Variants in PRKAG2 observed in about 807,000 individuals in gnomAD.
PRKAG2 encodes the protein 5'-AMP-activated protein kinase subunit gamma-2.
A neutral mutation model predicts 69.6 loss-of-function variants in PRKAG2; 26 were observed. The observed-to-expected ratio is 0.37, with a 90% CI of 0.27 to 0.52. The LOEUF (loss-of-function observed/expected upper bound fraction) is 0.52. Among genes scored for constraint, PRKAG2 ranks in the 20% least tolerant of loss-of-function variants. The probability of loss-of-function intolerance (pLI) is 0.90; values close to 1 mark genes in which losing one functional copy is unlikely to be tolerated. For synonymous variants in PRKAG2, 293 were observed against 285.0 expected (o/e 1.03, Z -0.28); for missense variants, 557 against 740.0 (o/e 0.75, Z 2.87).
rs1369234411 is a variant in PRKAG2, at chr7:151,614,982, T to C, written c.754+17087A>G. On this transcript the variant is annotated intron_variant, in intron 5 of 15. Transcript: ENST00000287878. The surrounding 1 kb of genome is among the most constrained non-coding windows in gnomAD (Gnocchi z 4.4). ...GAGCCGTATGGATCCAGAGGGAACC[T>C]CGAGAGAGGAGCCGTGTGGATCCAG... Among the ~76,000 whole-genome samples, 2 of 150,574 alleles carry C rather than the reference T, an allele frequency of 1.3e-5. No homozygotes were observed. Among genetic ancestry groups the C allele is most frequent in the South Asian group, 2.1e-4 (1 of 4,748 alleles).
At chr7:151,851,671 G>A (rs371786140) in intron 1 of PRKAG2, among the ~76,000 whole-genome samples, 223 of 152,290 alleles carry the variant, frequency 1.5e-3, no homozygotes, top group African/African-American at 5.2e-3. Flanking sequence ...AGGGGAGAGC[G>A]CTCCTGGGGC....
At chr7:151,686,035 T>G (rs28370502) in intron 3 of PRKAG2, among the ~76,000 whole-genome samples, 3,632 of 152,204 alleles carry the variant, frequency 0.024, 150 homozygotes, top group African/African-American at 0.082. Flanking sequence ...CAGTCCCCAG[T>G]CCCTGTCCCC....
chr7:151,775,044 G>T (rs2076269640), intron 3 of PRKAG2, among the ~76,000 whole-genome samples: 1 of 152,250 alleles, frequency 6.6e-6, no homozygotes, highest in South Asian at 2.1e-4. Context: ...GGCTGGATGT[G>T]AGGCTGCATC....
Position 151,638,990 on chromosome 7 carries a change from C to CCTGGATG in PRKAG2, c.685-6859_685-6853dup, listed in dbSNP as rs1187674401. Among the ~76,000 whole-genome samples the CCTGGATG allele has an allele frequency of 6.6e-6, 1 of 152,162 alleles. No homozygotes were observed. The highest frequency in any genetic ancestry group is 2.4e-5 in the African/African-American group (1 of 41,432). On this transcript the variant is annotated intron_variant, in intron 4 of 15. Transcript: ENST00000287878. The surrounding 1 kb of genome is among the most constrained non-coding windows in gnomAD (Gnocchi z 4.3). ...AAGAGTAAAGAACGACGTGAAACCCCCTGGATGCTGGACAGGAGCTGCACA... is the reference window on the plus strand; with the variant it reads ...AAGAGTAAAGAACGACGTGAAACCCCCTGGATGCTGGATGCTGGACAGGAGCTGCACA...
chr7:151,816,371 G>A (rs2078640968), intron 1 of PRKAG2, among the ~76,000 whole-genome samples: 1 of 152,132 alleles, frequency 6.6e-6, no homozygotes, highest in Non-Finnish European at 1.5e-5. Context: ...TGTGTTATGG[G>A]ATGTTCCTCA....
In PRKAG2 at chr7:151,567,528, C is replaced by G. The variant is rs1806535371; in HGVS notation, c.1233+1188G>C. 6.6e-6 allele frequency among the ~76,000 whole-genome samples: 1 copy of G among 152,142 alleles called. No homozygotes were observed. The highest frequency in any genetic ancestry group is 2.4e-5 in the African/African-American group (1 of 41,424). The stretch of plus-strand genomic sequence containing the variant: ...GGCCCTGAATACATCCTTCCCACCC[C>G]ATGCTCCCTCTGTTCCTATTAAACT... On this transcript the variant is annotated intron_variant, in intron 11 of 15. Transcript: ENST00000287878. The surrounding 1 kb of genome is among the most constrained non-coding windows in gnomAD (Gnocchi z 4.2).
Position 151,828,384 on chromosome 7 carries a change from G to C in PRKAG2, c.115-41843C>G, listed in dbSNP as rs1446827155. 6.6e-6 allele frequency among the ~76,000 whole-genome samples: 1 copy of C among 152,236 alleles called. No homozygotes were observed. The highest frequency in any genetic ancestry group is 1.5e-5 in the Non-Finnish European group (1 of 68,046). ...ATCTCTGCACAGTTCCTGATAGACA[G>C]TGCATGCTCAGTAAATATTTGTTTA... On this transcript the variant is annotated intron_variant, in intron 1 of 15. Coordinates refer to ENST00000287878, the MANE Select transcript of PRKAG2 (RefSeq NM_016203.4). The surrounding 1 kb of genome is among the most constrained non-coding windows in gnomAD (Gnocchi z 4.6).
chr7:151,755,080 T>G (rs1398721656), intron 3 of PRKAG2, among the ~76,000 whole-genome samples: 1 of 152,092 alleles, frequency 6.6e-6, no homozygotes, highest in Non-Finnish European at 1.5e-5. Flanking sequence ...CGGATGCCCC[T>G]TCAGAGCTGT....
intron 5 of PRKAG2, among the ~76,000 whole-genome samples, chr7:151,607,137 GT>G (rs1226895257): frequency 6.6e-6 from 1 of 152,216 alleles, no homozygotes; most frequent in Non-Finnish European, 1.5e-5. Context: ...TTATATTAAA[GT>G]GTTTAATTCA....
chr7:151,562,718 A>T (rs1351029312), intron 14 of PRKAG2, among the ~76,000 whole-genome samples: 1 of 152,170 alleles, frequency 6.6e-6, no homozygotes, highest in East Asian at 1.9e-4. Context: ...CTGTAATCCC[A>T]GCACTTTGGG....
chr7:151,646,438 C>T (rs1367431550), intron 4 of PRKAG2, among the ~76,000 whole-genome samples: 1 of 152,166 alleles, frequency 6.6e-6, no homozygotes, highest in African/African-American at 2.4e-5. Flanking sequence ...TTGATGCTCT[C>T]ATAAATGAAA....
chr7:151,681,046 C>A (rs1833811165), intron 3 of PRKAG2, among the ~76,000 whole-genome samples: 1 of 152,204 alleles, frequency 6.6e-6, no homozygotes, highest in Non-Finnish European at 1.5e-5. Flanking sequence ...CCAAGCCCCT[C>A]CCCACCCCCT....
chr7:151,735,912 G>A (rs1295979781), intron 3 of PRKAG2: 4 of 1,536,220 alleles, frequency 2.6e-6, no homozygotes, highest in East Asian at 4.9e-5. Flanking sequence ...AAAAGGCCAT[G>A]AGGCTCCGAC....
rs550652492 is a variant in PRKAG2, at chr7:151,845,669, G to A, written c.114+30838C>T. ...GATGCCTGCCTCCCTTCCCAACCTC[G>A]TCATCCTCACAAGGGGAGGTGGCTG... On this transcript the variant is annotated intron_variant, in intron 1 of 15. Transcript: ENST00000287878. Among the ~76,000 whole-genome samples, 13 of 152,278 alleles carry A rather than the reference G, an allele frequency of 8.5e-5. No homozygotes were observed. The South Asian group carries it at 1.9e-3, about 22-fold the overall frequency.
rs547299242 is a variant in PRKAG2 at position 151,699,030 on chromosome 7, C to T, written c.467-23393G>A. 1.3e-5 allele frequency among the ~76,000 whole-genome samples: 2 copies of T among 152,266 alleles called. No homozygotes were observed. Among genetic ancestry groups the T allele is most frequent in the Non-Finnish European group, 2.9e-5 (2 of 68,024 alleles). On this transcript the variant is annotated intron_variant, in intron 3 of 15. Coordinates refer to ENST00000287878, the MANE Select transcript of PRKAG2 (RefSeq NM_016203.4). The surrounding 1 kb of genome is among the most constrained non-coding windows in gnomAD (Gnocchi z 4.5). Reference sequence around the variant, plus strand: ...AAATGACTGATAGGCTCAAACGGGCCGTGGGAGGGTTTCAGGACAGGGTAC... The same window carrying T: ...AAATGACTGATAGGCTCAAACGGGCTGTGGGAGGGTTTCAGGACAGGGTAC...
At position 151,814,828 on chromosome 7, in the gene PRKAG2, A is replaced by C. The variant is rs2151858011; in HGVS notation, c.115-28287T>G. ...TTCCCCCATTGACGGGACTGCAGCA[A>C]ACTGTCATTCCCACCTGTGTCAGGC... On this transcript the variant is annotated intron_variant, in intron 1 of 15. Transcript: ENST00000287878. This position sits in a 1 kb window ranked among gnomAD's most constrained non-coding sequence, Gnocchi z 4.8. 8.1e-7 allele frequency: 1 copy of C among 1,231,796 alleles called. No individual in the cohort carries two copies. The highest frequency in any genetic ancestry group is 4.1e-5 in the South Asian group (1 of 24,320). 76.3% of individuals were successfully genotyped at this position (1,231,796 alleles called of 1,614,324 possible). A position where few individuals can be genotyped will look rare whatever the true frequency, so the allele number is the denominator to read the frequency against.
intron 6 of PRKAG2, among the ~76,000 whole-genome samples, chr7:151,588,019 T>TA (rs113509193): frequency 0.035 from 5,156 of 148,772 alleles, 238 homozygotes; most frequent in African/African-American, 0.11. Flanking sequence ...AAACACTTGT[T>TA]AAAAAAAAAA....
chr7:151,572,488 A>C, intron 9 of PRKAG2, 176 bp downstream of exon 9: 1 of 548,234 alleles, frequency 1.8e-6, no homozygotes, highest in South Asian at 2.4e-5. Context: ...GACAATACTT[A>C]TATTGTTCAG....
intron 1 of PRKAG2, among the ~76,000 whole-genome samples, chr7:151,864,658 G>C (rs1216484585): frequency 6.6e-6 from 1 of 152,218 alleles, no homozygotes; most frequent in Non-Finnish European, 1.5e-5. Context: ...CGACCTCTCT[G>C]TTCTCCTGGC....
Sources: gnomAD v4.1 joint callset for allele counts (sites outside exome capture counted in the v4.1 genomes callset) on GRCh38, gnomAD v4.1.1 for gene constraint, Gnocchi (gnomAD v3.1) non-coding constraint, MANE v1.5 for transcripts, NCBI Gene and HGNC (gene_info 2026-07-23, HGNC 2026-07-21) for gene names.